Variants in IGF2BP1 observed in about 807,000 individuals in gnomAD.
IGF2BP1 encodes the protein insulin-like growth factor 2 mRNA-binding protein 1.
A neutral mutation model predicts 74.9 loss-of-function variants in IGF2BP1; 11 were observed. That is an observed-to-expected ratio of 0.15 (90% CI 0.09 to 0.24). The LOEUF (loss-of-function observed/expected upper bound fraction) is 0.24. Among genes scored for constraint, IGF2BP1 ranks in the 10% least tolerant of loss-of-function variants. The pLI is 1.00. For missense variants in IGF2BP1, 440 were observed against 757.4 expected (o/e 0.58, Z 4.92); for synonymous variants, 287 against 281.8 (o/e 1.02, Z -0.18).
rs117833005 is a variant in IGF2BP1 at position 49,038,772 on chromosome 17, T to C, written c.683+323T>C. On this transcript the variant is annotated intron_variant, in intron 6 of 14. Transcript: ENST00000290341. ...AGCAACTCAGTGCTCTGTGATTTCATGATCACTTAGTGTGGTAACAGGGCT... is the reference window on the plus strand; with the variant it reads ...AGCAACTCAGTGCTCTGTGATTTCACGATCACTTAGTGTGGTAACAGGGCT... Among the ~76,000 whole-genome samples, 23 of 152,278 alleles carry C rather than the reference T, an allele frequency of 1.5e-4. No homozygotes were observed. The East Asian group carries it at 3.9e-3, about 25-fold the overall frequency.
rs1248514718 is a variant in IGF2BP1, at chr17:49,051,009, A to C, written c.*1565A>C. 1.3e-5 allele frequency: 2 copies of C among 152,642 alleles called. No individual in the cohort carries two copies. Among genetic ancestry groups the C allele is most frequent in the Non-Finnish European group, 2.9e-5 (2 of 68,038 alleles). The allele number at this position is 152,642 out of a possible 1,614,324, so 9.5% of individuals were successfully genotyped here. On this transcript the variant is annotated 3_prime_UTR_variant, in exon 15 of 15. Coordinates refer to ENST00000290341, the MANE Select transcript of IGF2BP1 (RefSeq NM_006546.4). ...GGAGTTCCCCTCCTTTCAACATTGC[A>C]ACAACAGTAACAACAAGACAACCGC...
chr17:49,008,089 T>C (rs1022841001), intron 2 of IGF2BP1, among the ~76,000 whole-genome samples: 3 of 151,932 alleles, frequency 2.0e-5, no homozygotes, highest in Non-Finnish European at 4.4e-5. Flanking sequence ...GGAGAATTGC[T>C]TGAACCCAGG....
At chr17:49,006,004 G>A (rs545605748) in intron 2 of IGF2BP1, among the ~76,000 whole-genome samples, 10 of 152,294 alleles carry the variant, frequency 6.6e-5, no homozygotes, top group African/African-American at 2.4e-4. Flanking sequence ...GGAGGTTGCA[G>A]TGAGCCGAGA....
intron 2 of IGF2BP1, among the ~76,000 whole-genome samples, chr17:49,014,341 C>T (rs926909833): frequency 3.3e-5 from 5 of 150,086 alleles, no homozygotes; most frequent in African/African-American, 1.2e-4. Flanking sequence ...TCGCCGTCCC[C>T]CTCAGTGGCC....
chr17:49,026,667 GCCTTCCTTCCTGCCTTCCTGCCTT>G (rs1437734908), intron 4 of IGF2BP1, 150 bp downstream of exon 4: 104 of 595,282 alleles, frequency 1.7e-4, no homozygotes, highest in East Asian at 8.8e-4. Context: ...CTGCCTTCCT[GCCTTCCTTCCTGCCTTCCTGCCTT>G]CCTGCCTTCC....
Position 49,041,400 on chromosome 17 carries a change from A to T in IGF2BP1, c.841A>T (p.Ile281Phe). ...TKTADEVPLKILAHNNFVGRL... is the reference protein window; with the variant it reads ...TKTADEVPLKFLAHNNFVGRL... ...AAGGGCTGACGAGGTTCCCCTGAAG[A>T]TCCTGGCCCATAATAACTTTGTAGG... The change falls in exon 8 of 15, where the codon ATC (isoleucine) becomes TTC (phenylalanine). Residue 281 changes from isoleucine to phenylalanine, a missense_variant. Ile to Phe is a conservative substitution (Grantham distance 21). This residue lies in a region of IGF2BP1 where 184 missense variants were observed against 273.4 expected (regional missense o/e 0.67). Transcript: ENST00000290341. 3 of 1,614,004 alleles carry T rather than the reference A, an allele frequency of 1.9e-6. No homozygotes were observed. Among genetic ancestry groups the T allele is most frequent in the Non-Finnish European group, 2.5e-6 (3 of 1,180,004 alleles).
chr17:49,046,437 C>A, intron 14 of IGF2BP1, 64 bp downstream of exon 14: 1 of 1,249,922 alleles, frequency 8.0e-7, no homozygotes, highest in Non-Finnish European at 1.2e-6. Flanking sequence ...GAAGCAGAGA[C>A]TCTATAGAGG....
At chr17:49,035,046 C>T (rs12938771) in intron 5 of IGF2BP1, among the ~76,000 whole-genome samples, 28,388 of 152,062 alleles carry the variant, frequency 0.19, 2,833 homozygotes, top group African/African-American at 0.26. Context: ...CATCAAACTA[C>T]GGTAGTCAAA....
At chr17:49,011,040 A>T (rs998974577) in intron 2 of IGF2BP1, among the ~76,000 whole-genome samples, 2 of 145,822 alleles carry the variant, frequency 1.4e-5, no homozygotes, top group Admixed American at 1.4e-4. Flanking sequence ...GGGGAGGCTA[A>T]GGCAGGAGAA....
chr17:49,046,003 T>C lies in IGF2BP1; in HGVS notation c.1509T>C (p.Ile503=). 6.2e-7 allele frequency: 1 copy of C among 1,614,136 alleles called. No homozygotes were observed. The highest frequency in any genetic ancestry group is 8.5e-7 in the Non-Finnish European group (1 of 1,180,036). The change falls in exon 13 of 15, where the codon ATT becomes ATC. Residue 503 remains isoleucine, a synonymous_variant. Transcript: ENST00000290341. ...RVPASAAGRV[I]GKGGKTVNEL... ...CAGCATCAGCAGCTGGCCGGGTCAT[T>C]GGCAAAGGTGGAAAAACGGTGAGCT... is the stretch of plus-strand genomic sequence containing the variant.
At chr17:49,039,512 C>T (rs893359529) in intron 6 of IGF2BP1, among the ~76,000 whole-genome samples, 1 of 151,978 alleles carries the variant, frequency 6.6e-6, no homozygotes, top group Non-Finnish European at 1.5e-5. Context: ...ACTGCAGCCT[C>T]CTCCCAGGTT....
chr17:49,007,949 A>T (rs560966412), intron 2 of IGF2BP1, among the ~76,000 whole-genome samples: 1 of 152,266 alleles, frequency 6.6e-6, no homozygotes, highest in South Asian at 2.1e-4. Flanking sequence ...AAGTGGGTGG[A>T]TCACCTGAGA....
At chr17:49,005,952 C>T (rs2041547369) in intron 2 of IGF2BP1, among the ~76,000 whole-genome samples, 1 of 152,108 alleles carries the variant, frequency 6.6e-6, no homozygotes, top group African/African-American at 2.4e-5. Context: ...GTCCCAGCTA[C>T]TCGGGAGGCT....
chr17:48,999,519 A>T (rs1008693400), intron 2 of IGF2BP1, among the ~76,000 whole-genome samples: 1 of 151,940 alleles, frequency 6.6e-6, no homozygotes, highest in African/African-American at 2.4e-5. Flanking sequence ...AAGAGTTCAG[A>T]CTCATGGCGA....
intron 2 of IGF2BP1, 116 bp from the exon 3 acceptor site, chr17:49,025,502 T>A (rs532592156): frequency 5.8e-6 from 5 of 861,996 alleles, no homozygotes; most frequent in African/African-American, 5.0e-5. Context: ...AAGACTATGG[T>A]GTTGGTGAGC....
intron 7 of IGF2BP1, among the ~76,000 whole-genome samples, chr17:49,040,926 G>A (rs1179037780): frequency 6.6e-6 from 1 of 152,182 alleles, no homozygotes. Context: ...TTTATTGGCT[G>A]GGCACGGTGG....
intron 2 of IGF2BP1, among the ~76,000 whole-genome samples, chr17:49,019,950 T>TATATATA (rs1567815917): frequency 3.4e-3 from 81 of 24,078 alleles, no homozygotes; most frequent in Non-Finnish European, 4.3e-3. Flanking sequence ...ATATATATAT[T>TATATATA]TATATACACA....
intron 2 of IGF2BP1, among the ~76,000 whole-genome samples, chr17:49,007,161 C>T (rs2041559934): frequency 6.6e-6 from 1 of 152,142 alleles, no homozygotes; most frequent in Non-Finnish European, 1.5e-5. Flanking sequence ...AGAGTGACCT[C>T]CCCCATCTGC....
At chr17:49,038,874 A>ATTTTTTTTTTT (rs1491495832) in intron 6 of IGF2BP1, among the ~76,000 whole-genome samples, 1 of 75,274 alleles carries the variant, frequency 1.3e-5, no homozygotes, top group African/African-American at 5.6e-5. Context: ...TCTTTCTTTA[A>ATTTTTTTTTTT]TATTTTTTTT....
Sources: allele counts gnomAD v4.1 joint callset (sites outside exome capture counted in the v4.1 genomes callset), GRCh38; gene constraint gnomAD v4.1.1; regional missense constraint gnomAD v4.1.1; transcripts MANE v1.5; gene names NCBI Gene and HGNC (gene_info 2026-07-23, HGNC 2026-07-21).